IL1RAPL1: variants seen among roughly 807,000 people sequenced by gnomAD.
IL1RAPL1 encodes interleukin 1 receptor accessory protein like 1.
Under a neutral mutation model 48.4 loss-of-function variants are expected in IL1RAPL1, and 3 were observed. The ratio of observed to expected loss-of-function variants is 0.06; its 90% CI spans 0.03 to 0.16. The LOEUF (loss-of-function observed/expected upper bound fraction) is 0.16, where lower values mean the gene tolerates loss of function less well. Among genes scored for constraint, IL1RAPL1 ranks in the 10% least tolerant of loss-of-function variants. IL1RAPL1 has a pLI of 1.00. For missense variants in IL1RAPL1, 349 were observed against 530.6 expected, an observed-to-expected ratio of 0.66 and a Z score of 3.36; for synonymous variants, 185 against 187.7, an observed-to-expected ratio of 0.99 and a Z score of 0.12.
At chrX:28,612,037 G>A (rs1194882146) in intron 1 of IL1RAPL1, among the ~76,000 whole-genome samples, 2 of 111,875 alleles carry the variant, frequency 1.8e-5, no homozygotes, top group African/African-American at 3.3e-5. Context: ...CAGAGTTGAG[G>A]AATTGCACCA....
intron 1 of IL1RAPL1, among the ~76,000 whole-genome samples, chrX:28,625,068 G>C (rs993841382): frequency 1.8e-5 from 2 of 111,803 alleles, no homozygotes; most frequent in African/African-American, 3.3e-5. Context: ...AAGGTAACCT[G>C]TTACTTGGAT....
At chrX:29,143,577 A>G (rs1185194266) in intron 2 of IL1RAPL1, among the ~76,000 whole-genome samples, 1 of 111,649 alleles carries the variant, frequency 9.0e-6, no homozygotes, top group Non-Finnish European at 1.9e-5. Context: ...CAGCAGATCC[A>G]TGTTGTATAT....
chrX:29,138,219 C>T (rs966519238), intron 2 of IL1RAPL1, among the ~76,000 whole-genome samples: 1 of 111,966 alleles, frequency 8.9e-6, no homozygotes, highest in Non-Finnish European at 1.9e-5. Context: ...TGATTCAGCA[C>T]TTTAAAAATA....
chrX:29,341,793 A>G (rs1933079108), intron 3 of IL1RAPL1, among the ~76,000 whole-genome samples: 2 of 110,852 alleles, frequency 1.8e-5, no homozygotes, highest in South Asian at 7.7e-4. Context: ...ATGTACCGTG[A>G]TTGCTTTGCT....
At chrX:29,161,710 G>A (rs1226144413) in intron 2 of IL1RAPL1, among the ~76,000 whole-genome samples, 6 of 112,131 alleles carry the variant, frequency 5.4e-5, no homozygotes, top group Non-Finnish European at 1.1e-4. Context: ...TATCTGTTGA[G>A]ATGCTGGCAA....
At chrX:29,623,474 A>G (rs1924529044) in intron 5 of IL1RAPL1, among the ~76,000 whole-genome samples, 1 of 111,412 alleles carries the variant, frequency 9.0e-6, no homozygotes, top group Admixed American at 9.5e-5. Context: ...TTATAAAGAC[A>G]TTCTCTTGAT....
At chrX:28,792,287 AAT>A (rs1322803619) in intron 2 of IL1RAPL1, among the ~76,000 whole-genome samples, 1 of 111,469 alleles carries the variant, frequency 9.0e-6, no homozygotes, top group Non-Finnish European at 1.9e-5. Flanking sequence ...TACACAGAGA[AAT>A]ATTGATTTTT....
At chrX:29,103,348 G>A (rs1928383427) in intron 2 of IL1RAPL1, among the ~76,000 whole-genome samples, 1 of 111,692 alleles carries the variant, frequency 9.0e-6, no homozygotes, top group African/African-American at 3.3e-5. Context: ...CTTCCACAAA[G>A]GTGCCAAGAA....
At chrX:29,498,327 T>C (rs751758416) in intron 5 of IL1RAPL1, among the ~76,000 whole-genome samples, 1 of 111,786 alleles carries the variant, frequency 8.9e-6, no homozygotes, top group African/African-American at 3.2e-5. Flanking sequence ...ATGTGATTTC[T>C]GTAAAGGCTC....
intron 2 of IL1RAPL1, among the ~76,000 whole-genome samples, chrX:29,174,219 C>T (rs753675869): frequency 1.0e-3 from 114 of 111,155 alleles, no homozygotes; most frequent in African/African-American, 3.5e-3. Context: ...CCACCACGCC[C>T]GCCACAGTCA....
intron 7 of IL1RAPL1, among the ~76,000 whole-genome samples, chrX:29,919,528 G>A (rs926664268): frequency 8.9e-6 from 1 of 112,553 alleles, no homozygotes; most frequent in Non-Finnish European, 1.9e-5. Context: ...CAACTGAAAT[G>A]TCAAAATAGC....
intron 6 of IL1RAPL1, among the ~76,000 whole-genome samples, chrX:29,768,643 A>G (rs1024004800): frequency 8.9e-6 from 1 of 111,885 alleles, no homozygotes. Flanking sequence ...TTATTTTCCC[A>G]GTGATGTGTA....
intron 2 of IL1RAPL1, chrX:28,941,980 T>TAGAAA (rs747648071): frequency 9.1e-6 from 1 of 109,991 alleles, no homozygotes; most frequent in African/African-American, 3.3e-5. Context: ...GACTACCATG[T>TAGAAA]AGAAAAGAAA....
intron 6 of IL1RAPL1, among the ~76,000 whole-genome samples, chrX:29,802,851 G>GTGTACA (rs1929989362): frequency 3.5e-5 from 3 of 86,052 alleles, no homozygotes; most frequent in African/African-American, 1.4e-4. Flanking sequence ...ACATATATGT[G>GTGTACA]TATATACGTG....
chrX:29,791,436 T>G (rs1318778157), intron 6 of IL1RAPL1, among the ~76,000 whole-genome samples: 1 of 109,681 alleles, frequency 9.1e-6, no homozygotes, highest in Admixed American at 9.8e-5. Context: ...TCTTTTTTTT[T>G]TTTTCAGATA....
chrX:29,213,785 A>T (rs185427029), intron 2 of IL1RAPL1, among the ~76,000 whole-genome samples: 350 of 112,298 alleles, frequency 3.1e-3, no homozygotes, highest in African/African-American at 0.011. Flanking sequence ...AATGAGGCCA[A>T]TTTAAAATTC....
At chrX:29,803,795 G>T (rs1048013044) in intron 6 of IL1RAPL1, among the ~76,000 whole-genome samples, 1 of 109,629 alleles carries the variant, frequency 9.1e-6, no homozygotes, top group African/African-American at 3.3e-5. Flanking sequence ...TCAAGTTTGT[G>T]TTTATGTTTA....
In IL1RAPL1 at chrX:29,685,748, AG is replaced by A. The variant is rs1485216982; in HGVS notation, c.778+17246del. On this transcript the variant is annotated intron_variant, in intron 6 of 10. Transcript: ENST00000378993. ...ACACCTGTAATCCCAGCACTTTGGG[AG>A]GCCGAGGTGGGTGGATCATGAGGTC... Among the ~76,000 whole-genome samples the A allele has an allele frequency of 2.7e-5, 3 of 110,547 alleles. No homozygotes were observed. The Admixed American group carries it at 2.9e-4, about 11-fold the overall frequency.
At chrX:29,365,057 T>G (rs973507267) in intron 3 of IL1RAPL1, among the ~76,000 whole-genome samples, 2 of 112,360 alleles carry the variant, frequency 1.8e-5, no homozygotes, top group Non-Finnish European at 3.8e-5. Context: ...TATTTTCAAT[T>G]CTTAATTTTC....
Sources: allele counts gnomAD v4.1 joint callset (sites outside exome capture counted in the v4.1 genomes callset), GRCh38; gene constraint gnomAD v4.1.1; transcripts MANE v1.5; gene names NCBI Gene and HGNC (gene_info 2026-07-23, HGNC 2026-07-21).